Variants in KCNJ18 observed in about 807,000 individuals in gnomAD.
The protein encoded by KCNJ18 is inward rectifier potassium channel 18.
A neutral mutation model predicts 17.3 loss-of-function variants in KCNJ18; 16 were observed. The observed-to-expected ratio is 0.92, with a 90% CI of 0.62 to 1.40. The LOEUF (loss-of-function observed/expected upper bound fraction) is 1.40, where lower values mean the gene tolerates loss of function less well. KCNJ18 is among the 40% of genes most tolerant of loss of function. The pLI is 0.00. For missense variants in KCNJ18, 462 were observed against 626.8 expected (o/e 0.74, Z 2.81); for synonymous variants, 185 against 262.6 (o/e 0.70, Z 2.86).
In KCNJ18 at chr17:21,703,127, C is replaced by T. The variant is rs1418332524; in HGVS notation, c.341C>T (p.Pro114Leu). 125 of 1,611,788 alleles carry T rather than the reference C, an allele frequency of 7.8e-5. No homozygotes were observed. The highest frequency in any genetic ancestry group is 6.8e-4 in the South Asian group (62 of 90,858). ...VIAVAHGDLE[P>L]AEGHGRTPCV... is the part of the protein sequence containing the mutation. ...GCGGTGGCACACGGTGACCTGGAGCCGGCTGAGGGCCACGGCCGCACACCC... is the reference window on the plus strand; with the variant it reads ...GCGGTGGCACACGGTGACCTGGAGCTGGCTGAGGGCCACGGCCGCACACCC... The change falls in exon 3 of 3, where the codon CCG becomes CTG. Residue 114 changes from proline (P) to leucine (L), a missense_variant. This residue lies in a region of KCNJ18 where 237 missense variants were observed against 259.4 expected (regional missense o/e 0.91). Coordinates refer to ENST00000567955, the MANE Select transcript of KCNJ18 (RefSeq NM_001194958.2).
At chr17:21,701,764 A>C (rs1242857021) in intron 2 of KCNJ18, among the ~76,000 whole-genome samples, 1 of 152,276 alleles carries the variant, frequency 6.6e-6, no homozygotes, top group Non-Finnish European at 1.5e-5. Context: ...TACAAAAGTT[A>C]GCTGGATGTG....
At chr17:21,694,686 A>G (rs1209497436) in intron 1 of KCNJ18, among the ~76,000 whole-genome samples, 19 of 147,626 alleles carry the variant, frequency 1.3e-4, no homozygotes, top group African/African-American at 4.8e-4. Context: ...CTGTCCATCC[A>G]TCCACCCTTC....
chr17:21,693,620 G>A (rs1382621418), intron 1 of KCNJ18, among the ~76,000 whole-genome samples: 1 of 152,312 alleles, frequency 6.6e-6, no homozygotes, highest in Non-Finnish European at 1.5e-5. Flanking sequence ...CTCCTCCAAG[G>A]CAGGGCTGTG....
Sources: gnomAD v4.1 joint callset for allele counts (sites outside exome capture counted in the v4.1 genomes callset) on GRCh38, gnomAD v4.1.1 for gene constraint, gnomAD v4.1.1 regional missense constraint, MANE v1.5 for transcripts, NCBI Gene and HGNC (gene_info 2026-07-23, HGNC 2026-07-21) for gene names.